The following CCNJ variants were observed in gnomAD, a reference collection of about 807,000 sequenced individuals.
CCNJ encodes cyclin J.
CCNJ carries 12 observed loss-of-function variants against 41.4 expected under a neutral mutation model. The observed-to-expected ratio is 0.29, with a 90% CI of 0.19 to 0.47. CCNJ has a LOEUF of 0.47. CCNJ is among the 20% of genes least tolerant of loss of function. CCNJ has a pLI of 1.00. For missense variants in CCNJ, 340 were observed against 464.6 expected (o/e 0.73, Z 2.47); for synonymous variants, 161 against 173.4 (o/e 0.93, Z 0.56).
intron 3 of CCNJ, among the ~76,000 whole-genome samples, chr10:96,054,138 C>G (rs2080611319): frequency 6.6e-6 from 1 of 152,136 alleles, no homozygotes; most frequent in South Asian, 2.1e-4. Context: ...GTTTTTGTTT[C>G]TGTGGCCTCT....
intron 3 of CCNJ, among the ~76,000 whole-genome samples, chr10:96,054,401 AT>A (rs2080620272): frequency 6.6e-6 from 1 of 152,214 alleles, no homozygotes; most frequent in Non-Finnish European, 1.5e-5. Context: ...ATCTTTTAAT[AT>A]CCATGTATCT....
chr10:96,045,100 T>G (rs547013835), intron 2 of CCNJ, among the ~76,000 whole-genome samples: 1 of 152,322 alleles, frequency 6.6e-6, no homozygotes, highest in African/African-American at 2.4e-5. Context: ...GGCTGCCCCT[T>G]CCTGCTGATA....
At chr10:96,047,737 C>A (rs1219103969) in intron 2 of CCNJ, among the ~76,000 whole-genome samples, 3 of 152,184 alleles carry the variant, frequency 2.0e-5, no homozygotes, top group Non-Finnish European at 4.4e-5. Flanking sequence ...TATATAACTT[C>A]CCTTTTTTGT....
At chr10:96,049,488 T>C (rs1347248167) in intron 2 of CCNJ, among the ~76,000 whole-genome samples, 2 of 148,814 alleles carry the variant, frequency 1.3e-5, no homozygotes, top group African/African-American at 2.4e-5. Flanking sequence ...TTTCTTTTTT[T>C]TTTTTTTTTT....
chr10:96,059,433 C>T lies in CCNJ; in HGVS notation c.*1192C>T, dbSNP rs1284034676. Reference sequence around the variant, plus strand: ...TTCATTGGATTGACCCTACAACTGCCCTGGGACATTTCACTGTACCAGTAT... The same window carrying T: ...TTCATTGGATTGACCCTACAACTGCTCTGGGACATTTCACTGTACCAGTAT... On this transcript the variant is annotated 3_prime_UTR_variant, in exon 6 of 6. Transcript: ENST00000465148. 6.6e-6 allele frequency: 1 copy of T among 152,552 alleles called. No homozygotes were observed. Among genetic ancestry groups the T allele is most frequent in the Non-Finnish European group, 1.5e-5 (1 of 68,038 alleles). 9.4% of individuals were successfully genotyped at this position (152,552 alleles called of 1,614,324 possible).
In CCNJ at chr10:96,060,060, T is replaced by C. The variant is rs2080784996; in HGVS notation, c.*1819T>C. ...TTGTTTTCTGAAAGTATCATCACTTTTCCTTTTTAAAGAAGGCTGCTAATT... is the reference window on the plus strand; with the variant it reads ...TTGTTTTCTGAAAGTATCATCACTTCTCCTTTTTAAAGAAGGCTGCTAATT... On this transcript the variant is annotated 3_prime_UTR_variant, in exon 6 of 6. Coordinates refer to ENST00000465148, the MANE Select transcript of CCNJ (RefSeq NM_001134375.2). 6.5e-6 allele frequency: 1 copy of C among 152,674 alleles called. No homozygotes were observed. The highest frequency in any genetic ancestry group is 1.5e-5 in the Non-Finnish European group (1 of 68,046). 9.5% of individuals were successfully genotyped at this position (152,674 alleles called of 1,614,324 possible).
chr10:96,058,645 CT>C lies in CCNJ; in HGVS notation c.*408del. The C allele has an allele frequency of 2.5e-6, 1 of 400,780 alleles. No individual in the cohort carries two copies. The highest frequency in any genetic ancestry group is 4.4e-6 in the Non-Finnish European group (1 of 227,528). The allele number at this position is 400,780 out of a possible 1,614,324, so 24.8% of individuals were successfully genotyped here. On this transcript the variant is annotated 3_prime_UTR_variant, in exon 6 of 6. Transcript: ENST00000465148. Reference sequence around the variant, plus strand: ...CTCATCTATGGACTTGCCAAACAGTCTTTTATGAAGGAAAGTTACAGTATTA... The same window carrying C: ...CTCATCTATGGACTTGCCAAACAGTCTTTATGAAGGAAAGTTACAGTATTA...
chr10:96,057,227 G>C lies in CCNJ; in HGVS notation c.720G>C (p.Gln240His), dbSNP rs772597556. The C allele has an allele frequency of 1.2e-6, 2 of 1,614,056 alleles. No individual in the cohort carries two copies. Among genetic ancestry groups the C allele is most frequent in the South Asian group, 2.2e-5 (2 of 91,082 alleles). The stretch of plus-strand genomic sequence containing the variant: ...CCTACTCTTGGGATTTCTTAGTGCA[G>C]TGTATTGAACGACTGTTGATGTAAG... ...LTAYSWDFLV[Q>H]CIERLLIAHD... Residue 240 changes from glutamine (Q) to histidine (H), a missense_variant, in exon 5 of 6, where the codon CAG becomes CAC. Gln to His is a conservative substitution (Grantham distance 24). Transcript: ENST00000465148.
In CCNJ at chr10:96,049,203, C is replaced by A. The variant is rs146454950; in HGVS notation, c.70-1053C>A. 6.5e-4 allele frequency among the ~76,000 whole-genome samples: 99 copies of A among 152,228 alleles called. 1 individual carries two copies. The East Asian group carries it at 0.018, about 28-fold the overall frequency. ...ATAATTAGTGATGCTGAACAAACATCTTTTTCATGTTTTATGATATTTTTT... is the reference window on the plus strand; with the variant it reads ...ATAATTAGTGATGCTGAACAAACATATTTTTCATGTTTTATGATATTTTTT... On this transcript the variant is annotated intron_variant, in intron 2 of 5. Coordinates refer to ENST00000465148, the MANE Select transcript of CCNJ (RefSeq NM_001134375.2).
intron 3 of CCNJ, among the ~76,000 whole-genome samples, chr10:96,050,672 C>T (rs1290191371): frequency 6.6e-6 from 1 of 152,108 alleles, no homozygotes; most frequent in African/African-American, 2.4e-5. Flanking sequence ...AAACATGTGC[C>T]TAAGCCGTAC....
intron 3 of CCNJ, among the ~76,000 whole-genome samples, chr10:96,054,095 T>C (rs1443934604): frequency 6.6e-6 from 1 of 152,226 alleles, no homozygotes; most frequent in Non-Finnish European, 1.5e-5. Context: ...ATGGCTGATA[T>C]GAACATATCC....
At position 96,058,814 on chromosome 10, in the gene CCNJ, G is replaced by A. The variant is rs145513285; in HGVS notation, c.*573G>A. ...TTTTTAGATGATTCTATATAACTTC[G>A]TCTCACAAATAGTGTAGGTATCTGG... On this transcript the variant is annotated 3_prime_UTR_variant, in exon 6 of 6. Coordinates refer to ENST00000465148, the MANE Select transcript of CCNJ (RefSeq NM_001134375.2). The A allele has an allele frequency of 2.1e-4, 53 of 250,216 alleles. No homozygotes were observed. Among genetic ancestry groups the A allele is most frequent in the African/African-American group, 9.8e-4 (44 of 45,110 alleles). 15.5% of individuals were successfully genotyped at this position (250,216 alleles called of 1,614,324 possible).
intron 3 of CCNJ, 90 bp from the exon 4 acceptor site, chr10:96,056,611 A>G (rs117825405): frequency 0.011 from 10,404 of 923,516 alleles, 81 homozygotes; most frequent in Non-Finnish European, 0.014. Flanking sequence ...AATCCTGGCA[A>G]TAAGACAGCA....
rs758590943 is a variant in CCNJ, at chr10:96,050,462, A to G, written c.276A>G (p.Leu92=). The change falls in exon 3 of 6, where the codon CTA becomes CTG. Residue 92 remains leucine (L), a synonymous_variant. Transcript: ENST00000465148. Reference sequence around the variant, plus strand: ...TAGTTGCGCTTTCCTGCCTGCTTCTAGCAAGTAAGTATGAATCTGATTTAC... The same window carrying G: ...TAGTTGCGCTTTCCTGCCTGCTTCTGGCAAGTAAGTATGAATCTGATTTAC... ...LHLVALSCLL[L]ASKFEEKEDS... The G allele has an allele frequency of 1.2e-6, 2 of 1,611,120 alleles. No homozygotes were observed. The highest frequency in any genetic ancestry group is 1.7e-6 in the Non-Finnish European group (2 of 1,177,294).
In CCNJ at chr10:96,050,635, T is replaced by C. The variant is rs139316598; in HGVS notation, c.280+169T>C. On this transcript the variant is annotated intron_variant, in intron 3 of 5. Transcript: ENST00000465148. ...CAGTGTAATAATTCTTAACCAGACA[T>C]TGAAAAATGGCTTTGGAGCCTGTTA... Among the ~76,000 whole-genome samples, 91 of 152,298 alleles carry C rather than the reference T, an allele frequency of 6.0e-4. No homozygotes were observed. In the East Asian group the frequency reaches 0.016, roughly 27 times the overall value.
rs1192941725 is a variant in CCNJ at position 96,058,684 on chromosome 10, G to GT, written c.*451dup. ...AGTTACAGTATTAATTTTTGAAAAG[G>GT]TTTTTTTTATTCTGCAATTTTTTAT... On this transcript the variant is annotated 3_prime_UTR_variant, in exon 6 of 6. Coordinates refer to ENST00000465148, the MANE Select transcript of CCNJ (RefSeq NM_001134375.2). 8 of 396,552 alleles carry GT rather than the reference G, an allele frequency of 2.0e-5. No individual in the cohort carries two copies. Among genetic ancestry groups the GT allele is most frequent in the Non-Finnish European group, 3.1e-5 (7 of 225,312 alleles). 24.6% of individuals were successfully genotyped at this position (396,552 alleles called of 1,614,324 possible).
In CCNJ at chr10:96,048,414, G is replaced by A. The variant is rs151217993; in HGVS notation, c.70-1842G>A. ...ACACTCCCACCAACAGTGTAAAAGCGTTCCTTTTTCTCCACAACCTTGCCA... is the reference window on the plus strand; with the variant it reads ...ACACTCCCACCAACAGTGTAAAAGCATTCCTTTTTCTCCACAACCTTGCCA... On this transcript the variant is annotated intron_variant, in intron 2 of 5. Coordinates refer to ENST00000465148, the MANE Select transcript of CCNJ (RefSeq NM_001134375.2). Among the ~76,000 whole-genome samples the A allele has an allele frequency of 2.7e-3, 418 of 152,204 alleles. 11 individuals carry two copies. Among genetic ancestry groups the A allele is most frequent in the East Asian group, 0.026 (137 of 5,178 alleles).
rs766794532 is a variant in CCNJ at position 96,056,984 on chromosome 10, G to A, written c.564G>A (p.Leu188=). 1 of 1,613,676 alleles carries A rather than the reference G, an allele frequency of 6.2e-7. No homozygotes were observed. Among genetic ancestry groups the A allele is most frequent in the South Asian group, 1.1e-5 (1 of 91,052 alleles). The change falls in exon 4 of 6, where the codon CTG becomes CTA. Residue 188 remains leucine (L), a synonymous_variant. Transcript: ENST00000465148. ...LYMAKYADYF[L]EVSLQDYAFL... ...TGGCCAAATATGCAGATTACTTCCT[G>A]GAAGTATCTTTGCAAGGTGGGTTGT...
At chr10:96,053,578 C>G (rs1035156749) in intron 3 of CCNJ, among the ~76,000 whole-genome samples, 1 of 152,148 alleles carries the variant, frequency 6.6e-6, no homozygotes, top group Non-Finnish European at 1.5e-5. Flanking sequence ...CTGTGACCAA[C>G]ATTACATTTA....
Sources: gnomAD v4.1 joint callset for allele counts (sites outside exome capture counted in the v4.1 genomes callset) on GRCh38, gnomAD v4.1.1 for gene constraint, MANE v1.5 for transcripts, NCBI Gene and HGNC (gene_info 2026-07-23, HGNC 2026-07-21) for gene names.